DCC: variants seen among roughly 807,000 people sequenced by gnomAD.
DCC encodes netrin receptor DCC.
Under a neutral mutation model 172.5 loss-of-function variants are expected in DCC, and 58 were observed. The observed-to-expected ratio is 0.34, with a 90% CI of 0.27 to 0.42. DCC has a LOEUF of 0.42. DCC is among the 10% of genes least tolerant of loss of function. The probability of loss-of-function intolerance (pLI) is 1.00; values close to 1 mark genes in which losing one functional copy is unlikely to be tolerated. For missense variants in DCC, 1,740 were observed against 1,791.0 expected (o/e 0.97, Z 0.51); for synonymous variants, 709 against 644.5 (o/e 1.10, Z -1.52).
At chr18:53,161,861 GT>G (rs1306427434) in intron 8 of DCC, among the ~76,000 whole-genome samples, 1 of 152,014 alleles carries the variant, frequency 6.6e-6, no homozygotes, top group Non-Finnish European at 1.5e-5. Context: ...AGTATACCAG[GT>G]TTTGTTATAA....
intron 27 of DCC, among the ~76,000 whole-genome samples, chr18:53,517,767 C>G (rs2046354422): frequency 6.6e-6 from 1 of 152,052 alleles, no homozygotes; most frequent in Non-Finnish European, 1.5e-5. Flanking sequence ...CACAATGTTT[C>G]TCTCCCCAGA....
chr18:53,298,262 G>T (rs2057090572), intron 12 of DCC, among the ~76,000 whole-genome samples: 1 of 152,016 alleles, frequency 6.6e-6, no homozygotes, highest in Non-Finnish European at 1.5e-5. Context: ...CATAACTGGG[G>T]ATGGTGGCTC....
intron 21 of DCC, among the ~76,000 whole-genome samples, chr18:53,417,209 C>G (rs1312180130): frequency 6.6e-6 from 1 of 152,222 alleles, no homozygotes; most frequent in Non-Finnish European, 1.5e-5. Flanking sequence ...CTCTCCCTGA[C>G]AGCAGAATGC....
At chr18:53,105,502 T>G (rs191888489) in intron 7 of DCC, among the ~76,000 whole-genome samples, 1 of 152,124 alleles carries the variant, frequency 6.6e-6, no homozygotes, top group East Asian at 1.9e-4. Flanking sequence ...GTATTTTTAT[T>G]TATTTGTATT....
At chr18:52,475,154 T>C (rs1490043422) in intron 1 of DCC, among the ~76,000 whole-genome samples, 2 of 152,190 alleles carry the variant, frequency 1.3e-5, no homozygotes, top group Non-Finnish European at 2.9e-5. Context: ...TCTATCTGCA[T>C]TTTACTTTCT....
intron 2 of DCC, among the ~76,000 whole-genome samples, chr18:52,828,857 G>A (rs911208167): frequency 1.3e-5 from 2 of 152,116 alleles, no homozygotes; most frequent in Non-Finnish European, 2.9e-5. Context: ...ATGTGTAAAT[G>A]TTTTCCCACT....
chr18:53,446,606 A>G (rs1912626740), intron 22 of DCC, among the ~76,000 whole-genome samples: 1 of 152,184 alleles, frequency 6.6e-6, no homozygotes, highest in Admixed American at 6.5e-5. Context: ...CATTACTTGC[A>G]GAATCTGAAT....
rs1052070144 is a variant in DCC, at chr18:53,136,209, C to CTATCTATCTATA, written c.1262-21144_1262-21143insCTATCTATATAT. Among the ~76,000 whole-genome samples the CTATCTATCTATA allele has an allele frequency of 6.2e-5, 9 of 144,400 alleles. No homozygotes were observed. In the East Asian group the frequency reaches 9.8e-4, roughly 16 times the overall value. 94.7% of individuals were successfully genotyped at this position (144,400 alleles called of 152,430 possible). A position where few individuals can be genotyped will look rare whatever the true frequency, so the allele number is the denominator to read the frequency against. On this transcript the variant is annotated intron_variant, in intron 7 of 28. Transcript: ENST00000442544. ...CATGTGATTTTATCTATCTATCTATCTATATATATATACACACACACACAC... is the reference window on the plus strand; with the variant it reads ...CATGTGATTTTATCTATCTATCTATCTATCTATCTATATATATATATATACACACACACACAC...
intron 1 of DCC, among the ~76,000 whole-genome samples, chr18:52,366,854 G>A (rs918511702): frequency 6.6e-6 from 1 of 152,232 alleles, no homozygotes; most frequent in African/African-American, 2.4e-5. Flanking sequence ...AGTGGATCCC[G>A]CACCAGGGCT....
intron 2 of DCC, among the ~76,000 whole-genome samples, chr18:52,854,863 C>G (rs1480309898): frequency 1.3e-5 from 2 of 152,152 alleles, no homozygotes; most frequent in Admixed American, 6.5e-5. Flanking sequence ...AGAGGCCTCC[C>G]AAGGACTGAC....
chr18:53,014,422 TCC>T lies in DCC; in HGVS notation c.986-48881_986-48880del, dbSNP rs1568245331. ...ACATTAGGTATATCTCCTAATGTTA[TCC>T]CTCCCCCCTCCCCCCTCCCCCCACC... On this transcript the variant is annotated intron_variant, in intron 5 of 28. Transcript: ENST00000442544. Among the ~76,000 whole-genome samples, 12 of 74,726 alleles carry T rather than the reference TCC, an allele frequency of 1.6e-4. 1 individual carries two copies. The South Asian group carries it at 7.7e-3, about 48-fold the overall frequency. 49.0% of individuals were successfully genotyped at this position (74,726 alleles called of 152,430 possible).
chr18:53,096,627 G>A (rs9947827), intron 7 of DCC, among the ~76,000 whole-genome samples: 104,747 of 151,802 alleles, frequency 0.69, 37,953 homozygotes, highest in African/African-American at 0.9. Context: ...AAATATAATG[G>A]AGGGGCTATG....
At chr18:53,409,256 A>T (rs1466582772) in intron 19 of DCC, among the ~76,000 whole-genome samples, 1 of 152,130 alleles carries the variant, frequency 6.6e-6, no homozygotes, top group African/African-American at 2.4e-5. Context: ...TGAGTCTGAG[A>T]ACCCTCTGAC....
intron 5 of DCC, chr18:52,941,190 G>A (rs796473542): frequency 9.9e-5 from 15 of 152,172 alleles, no homozygotes; most frequent in African/African-American, 3.4e-4. Flanking sequence ...AAGAAAAAAA[G>A]TTTAAGTCTT....
At chr18:52,435,499 A>C (rs1439654367) in intron 1 of DCC, among the ~76,000 whole-genome samples, 1 of 152,102 alleles carries the variant, frequency 6.6e-6, no homozygotes, top group Non-Finnish European at 1.5e-5. Context: ...AATGCTCTCT[A>C]ATCCCTGCAG....
chr18:52,375,350 G>A (rs1427150807), intron 1 of DCC, among the ~76,000 whole-genome samples: 2 of 151,924 alleles, frequency 1.3e-5, no homozygotes, highest in Non-Finnish European at 2.9e-5. Context: ...ATATATGCAA[G>A]GTTAAAAGAA....
chr18:53,232,936 T>TTC (rs2056145179), intron 12 of DCC, among the ~76,000 whole-genome samples: 1 of 131,308 alleles, frequency 7.6e-6, no homozygotes, highest in Non-Finnish European at 1.7e-5. Context: ...GCTCCTTTCT[T>TTC]TTTTTTTTTT....
At chr18:52,811,837 C>G (rs942745409) in intron 2 of DCC, among the ~76,000 whole-genome samples, 17 of 152,038 alleles carry the variant, frequency 1.1e-4, no homozygotes, top group Non-Finnish European at 2.2e-4. Context: ...TTATCTTTAT[C>G]GTATCAAATA....
intron 25 of DCC, among the ~76,000 whole-genome samples, chr18:53,478,513 A>T (rs952056717): frequency 2.6e-5 from 4 of 152,176 alleles, no homozygotes; most frequent in Non-Finnish European, 4.4e-5. Context: ...AGTATCTTGA[A>T]TTTTATATAT....
Sources: gnomAD v4.1 joint callset for allele counts (sites outside exome capture counted in the v4.1 genomes callset) on GRCh38, gnomAD v4.1.1 for gene constraint, MANE v1.5 for transcripts, NCBI Gene and HGNC (gene_info 2026-07-23, HGNC 2026-07-21) for gene names.